The following DNM3 variants were observed in gnomAD, a reference collection of about 807,000 sequenced individuals.
DNM3 encodes the protein dynamin-3.
Under a neutral mutation model 101.6 loss-of-function variants are expected in DNM3, and 47 were observed. That is an observed-to-expected ratio of 0.46 (90% confidence interval 0.37 to 0.59). The LOEUF is 0.59. DNM3 is among the 20% of genes least tolerant of loss of function. DNM3 has a pLI of 0.00. For synonymous variants in DNM3, 385 were observed against 387.9 expected (o/e 0.99, Z 0.09); for missense variants, 849 against 1,085.7 (o/e 0.78, Z 3.06).
intron 10 of DNM3, among the ~76,000 whole-genome samples, chr1:172,059,750 G>A (rs1393280426): frequency 3.0e-4 from 43 of 141,826 alleles, no homozygotes; most frequent in African/African-American, 1.1e-3. Context: ...TACTGAATGG[G>A]CAAAAACTGG....
At chr1:171,882,822 C>T (rs968957968) in intron 1 of DNM3, among the ~76,000 whole-genome samples, 1 of 151,868 alleles carries the variant, frequency 6.6e-6, no homozygotes, top group Non-Finnish European at 1.5e-5. Flanking sequence ...TGACTTTATA[C>T]TTTAATTTGA....
intron 14 of DNM3, among the ~76,000 whole-genome samples, chr1:172,189,687 A>G (rs1225185099): frequency 2.6e-5 from 4 of 152,034 alleles, no homozygotes; most frequent in Non-Finnish European, 2.9e-5. Flanking sequence ...GTAACTTACT[A>G]AGAAAAGAGA....
intron 10 of DNM3, among the ~76,000 whole-genome samples, chr1:172,064,545 GATA>G (rs1404834907): frequency 6.6e-6 from 1 of 152,090 alleles, no homozygotes; most frequent in Non-Finnish European, 1.5e-5. Flanking sequence ...GATTAAATGA[GATA>G]ATGAAATGAG....
intron 2 of DNM3, among the ~76,000 whole-genome samples, chr1:171,960,274 A>G (rs2043133299): frequency 6.6e-6 from 1 of 152,174 alleles, no homozygotes; most frequent in African/African-American, 2.4e-5. Context: ...GAGCCTTTAG[A>G]TGGCCCTGCC....
intron 2 of DNM3, among the ~76,000 whole-genome samples, chr1:171,969,413 C>T (rs2043825893): frequency 6.6e-6 from 1 of 152,072 alleles, no homozygotes; most frequent in Admixed American, 6.6e-5. Flanking sequence ...CTGAGGGAGG[C>T]AGTGGGAACA....
At chr1:172,388,215 C>T (rs2149079634) in intron 19 of DNM3, among the ~76,000 whole-genome samples, 1 of 151,338 alleles carries the variant, frequency 6.6e-6, no homozygotes, top group Middle Eastern at 3.4e-3. Context: ...GCCTGGGTGA[C>T]AGAGCGAGAC....
chr1:172,132,898 T>C, intron 14 of DNM3: 1 of 982,810 alleles, frequency 1.0e-6, no homozygotes, highest in East Asian at 2.6e-5. Context: ...GAACATTTAG[T>C]CTTGGCGAGG....
chr1:172,133,161 G>A (rs2057032775), intron 14 of DNM3: 1 of 1,342,722 alleles, frequency 7.4e-7, no homozygotes, highest in African/African-American at 1.5e-5. Context: ...TGCTGTTGGA[G>A]TGTGGCATTA....
chr1:172,154,204 T>C (rs1211376935), intron 14 of DNM3, among the ~76,000 whole-genome samples: 1 of 152,114 alleles, frequency 6.6e-6, no homozygotes, highest in Non-Finnish European at 1.5e-5. Context: ...TATTAATTAA[T>C]CTGAGATTTT....
intron 14 of DNM3, among the ~76,000 whole-genome samples, chr1:172,157,597 A>G (rs188116548): frequency 6.6e-6 from 1 of 152,194 alleles, no homozygotes; most frequent in Admixed American, 6.6e-5. Context: ...TTGCAGATTG[A>G]AAATATTTGA....
At chr1:171,986,917 GA>G (rs1313458671) in intron 2 of DNM3, among the ~76,000 whole-genome samples, 2 of 152,104 alleles carry the variant, frequency 1.3e-5, no homozygotes, top group Admixed American at 1.3e-4. Context: ...TTACATACCT[GA>G]TTTCTCTCAA....
chr1:171,849,851 G>A (rs771046880), intron 1 of DNM3, among the ~76,000 whole-genome samples: 25 of 151,896 alleles, frequency 1.6e-4, no homozygotes, highest in Admixed American at 2.0e-4. Context: ...GACATACTGG[G>A]GTCACATGGT....
intron 14 of DNM3, among the ~76,000 whole-genome samples, chr1:172,234,743 A>T (rs1160794458): frequency 6.6e-6 from 1 of 152,170 alleles, no homozygotes; most frequent in Non-Finnish European, 1.5e-5. Context: ...ATCTACACCG[A>T]TCTGATCTTC....
chr1:172,114,854 C>T (rs141008191), intron 13 of DNM3, among the ~76,000 whole-genome samples: 1 of 152,200 alleles, frequency 6.6e-6, no homozygotes, highest in African/African-American at 2.4e-5. Flanking sequence ...TTTTATGCCA[C>T]ATGTGAGGCT....
At chr1:172,135,049 T>C (rs960068938) in intron 14 of DNM3, among the ~76,000 whole-genome samples, 1 of 152,098 alleles carries the variant, frequency 6.6e-6, no homozygotes, top group Non-Finnish European at 1.5e-5. Context: ...GACTGGGGAG[T>C]TACTAGAAAG....
intron 14 of DNM3, among the ~76,000 whole-genome samples, chr1:172,141,266 T>G (rs1236452730): frequency 6.6e-6 from 1 of 152,150 alleles, no homozygotes; most frequent in Non-Finnish European, 1.5e-5. Flanking sequence ...TTCTACTTAA[T>G]TTACAGAACA....
chr1:172,167,186 T>TG (rs2058777572), intron 14 of DNM3, among the ~76,000 whole-genome samples: 2 of 152,086 alleles, frequency 1.3e-5, no homozygotes, highest in Non-Finnish European at 1.5e-5. Context: ...TTTCTGTCCT[T>TG]GCGATAGTTT....
At chr1:171,937,278 G>GTT (rs370590393) in intron 2 of DNM3, among the ~76,000 whole-genome samples, 1 of 147,048 alleles carries the variant, frequency 6.8e-6, no homozygotes, top group Non-Finnish European at 1.5e-5. Flanking sequence ...AAGGATTTAT[G>GTT]TTTTTTTTTT....
intron 17 of DNM3, among the ~76,000 whole-genome samples, chr1:172,354,002 C>T (rs1026038282): frequency 1.3e-5 from 2 of 151,486 alleles, no homozygotes; most frequent in Non-Finnish European, 2.9e-5. Flanking sequence ...TCGTGGTTCA[C>T]GGAGAGCTTT....
Sources: allele counts gnomAD v4.1 joint callset (sites outside exome capture counted in the v4.1 genomes callset), GRCh38; gene constraint gnomAD v4.1.1; transcripts MANE v1.5; gene names NCBI Gene and HGNC (gene_info 2026-07-23, HGNC 2026-07-21).